FRAS1: variants seen among roughly 807,000 people sequenced by gnomAD.
FRAS1 encodes the protein Fraser extracellular matrix complex subunit 1.
A neutral mutation model predicts 435.2 loss-of-function variants in FRAS1; 290 were observed. The ratio of observed to expected loss-of-function variants is 0.67; its 90% confidence interval spans 0.61 to 0.73. The LOEUF (loss-of-function observed/expected upper bound fraction) is 0.73, where lower values mean the gene tolerates loss of function less well. FRAS1 is among the 30% of genes least tolerant of loss of function. The pLI is 0.00. For synonymous variants in FRAS1, 1,800 were observed against 1,851.0 expected (o/e 0.97, Z 0.71); for missense variants, 4,860 against 5,001.5 (o/e 0.97, Z 0.85).
At chr4:78,067,664 TTC>T (rs1740104002) in intron 2 of FRAS1, among the ~76,000 whole-genome samples, 2 of 135,798 alleles carry the variant, frequency 1.5e-5, no homozygotes, top group Non-Finnish European at 1.5e-5. Flanking sequence ...TTCTTTTTTT[TTC>T]TTTCTTTTAT....
At chr4:78,464,759 GTATTTGAGATCAAATTGTTTT>G (rs1719476893) in intron 49 of FRAS1, among the ~76,000 whole-genome samples, 176 bp downstream of exon 49, 1 of 152,156 alleles carries the variant, frequency 6.6e-6, no homozygotes, top group South Asian at 2.1e-4. Flanking sequence ...AAAAACAAAT[GTATTTGAGATCAAATTGTTTT>G]TAAACCCTTT....
chr4:78,078,233 C>T (rs915001893), intron 2 of FRAS1, among the ~76,000 whole-genome samples: 4 of 152,258 alleles, frequency 2.6e-5, no homozygotes, highest in African/African-American at 4.8e-5. Flanking sequence ...TTGTAAGCAA[C>T]ACTGTGATGA....
intron 2 of FRAS1, among the ~76,000 whole-genome samples, chr4:78,088,155 C>T (rs150303591): frequency 0.8 from 121,815 of 151,342 alleles, 49,124 homozygotes; most frequent in East Asian, 0.95. Context: ...TTTGACAAAC[C>T]TGAGAAAAAC....
At chr4:78,517,812 A>G (rs1721256219) in intron 66 of FRAS1, among the ~76,000 whole-genome samples, 1 of 152,224 alleles carries the variant, frequency 6.6e-6, no homozygotes, top group African/African-American at 2.4e-5. Context: ...AAAACAAATG[A>G]GGAAAAATTA....
intron 2 of FRAS1, among the ~76,000 whole-genome samples, chr4:78,156,827 T>C (rs575842449): frequency 2.6e-5 from 4 of 152,314 alleles, no homozygotes; most frequent in Admixed American, 6.5e-5. Flanking sequence ...GACTCTCTCC[T>C]ACTACGTCAG....
intron 2 of FRAS1, among the ~76,000 whole-genome samples, chr4:78,193,060 A>G (rs776422981): frequency 9.9e-5 from 15 of 152,038 alleles, no homozygotes; most frequent in Non-Finnish European, 1.6e-4. Context: ...CAGGTTATTT[A>G]TTTTCCATGT....
rs757888145 is a variant in FRAS1 at position 78,473,422 on chromosome 4, G to T, written c.7523-16G>T. 1.2e-6 allele frequency: 2 copies of T among 1,608,118 alleles called. No individual in the cohort carries two copies. Among genetic ancestry groups the T allele is most frequent in the African/African-American group, 2.7e-5 (2 of 74,914 alleles). On this transcript the variant is annotated splice_polypyrimidine_tract_variant and intron_variant, in intron 52 of 73. Transcript: ENST00000512123. ...ACATCCCTGGGTTAATTCACAGTGAGTCTTTTTTCTCACAGAGGATGTGAA... is the reference window on the plus strand; with the variant it reads ...ACATCCCTGGGTTAATTCACAGTGATTCTTTTTTCTCACAGAGGATGTGAA...
intron 10 of FRAS1, 66 bp from the exon 11 acceptor site, chr4:78,281,332 A>G (rs35419939): frequency 0.34 from 371,145 of 1,107,008 alleles, 63,845 homozygotes; most frequent in Admixed American, 0.39. Context: ...TCCTAATGAA[A>G]AAATAAAATA....
intron 2 of FRAS1, among the ~76,000 whole-genome samples, chr4:78,161,201 A>T (rs1305883903): frequency 1.3e-5 from 2 of 152,192 alleles, no homozygotes; most frequent in Non-Finnish European, 2.9e-5. Flanking sequence ...GGATTATTTT[A>T]ATTAAAAGAA....
At chr4:78,289,049 C>T (rs1727755793) in intron 14 of FRAS1, among the ~76,000 whole-genome samples, 1 of 152,144 alleles carries the variant, frequency 6.6e-6, no homozygotes. Context: ...AAACTGAGTG[C>T]TGTGCTGAGG....
chr4:78,407,096 A>G (rs1222950804), intron 30 of FRAS1, among the ~76,000 whole-genome samples: 1 of 152,256 alleles, frequency 6.6e-6, no homozygotes, highest in Non-Finnish European at 1.5e-5. Flanking sequence ...TGAATCCAAG[A>G]TATCTCATTA....
intron 18 of FRAS1, among the ~76,000 whole-genome samples, chr4:78,330,655 C>A (rs933174879): frequency 9.2e-5 from 14 of 152,106 alleles, no homozygotes; most frequent in African/African-American, 3.1e-4. Context: ...TGAAATAGAC[C>A]CCAGTCTCCC....
At chr4:78,337,940 A>G (rs1730241921) in intron 20 of FRAS1, 123 bp downstream of exon 20, 4 of 910,010 alleles carry the variant, frequency 4.4e-6, no homozygotes, top group Middle Eastern at 3.2e-4. Context: ...CATTTGTTTC[A>G]TGTCTGGAAA....
intron 2 of FRAS1, among the ~76,000 whole-genome samples, chr4:78,076,994 C>T (rs1451585656): frequency 6.6e-6 from 1 of 152,294 alleles, no homozygotes; most frequent in African/African-American, 2.4e-5. Context: ...TTCCTGTAAG[C>T]TGTTTTTATG....
chr4:78,435,625 G>A (rs1379624791), intron 38 of FRAS1, among the ~76,000 whole-genome samples: 1 of 151,902 alleles, frequency 6.6e-6, no homozygotes, highest in Non-Finnish European at 1.5e-5. Flanking sequence ...TATAATCCCA[G>A]TACTCAGGAG....
intron 60 of FRAS1, among the ~76,000 whole-genome samples, chr4:78,499,479 A>T (rs1287256732): frequency 6.6e-6 from 1 of 152,194 alleles, no homozygotes; most frequent in East Asian, 1.9e-4. Context: ...TCCACCCATT[A>T]TATTGTTTTT....
intron 66 of FRAS1, among the ~76,000 whole-genome samples, chr4:78,518,828 GA>G (rs1286736275): frequency 2.0e-5 from 3 of 152,102 alleles, no homozygotes; most frequent in Non-Finnish European, 4.4e-5. Context: ...CAGGAGATGA[GA>G]GCACTCACTA....
intron 2 of FRAS1, among the ~76,000 whole-genome samples, chr4:78,156,972 C>G (rs1720915624): frequency 6.6e-6 from 1 of 152,202 alleles, no homozygotes; most frequent in African/African-American, 2.4e-5. Flanking sequence ...GAGTCTCAGT[C>G]TCCCCTTCTA....
chr4:78,523,790 A>C (rs1484746761), intron 69 of FRAS1, among the ~76,000 whole-genome samples: 2 of 152,170 alleles, frequency 1.3e-5, no homozygotes, highest in African/African-American at 2.4e-5. Flanking sequence ...TCTTCCTTTA[A>C]GTATTCTGCT....
Sources: allele counts gnomAD v4.1 joint callset (sites outside exome capture counted in the v4.1 genomes callset), GRCh38; gene constraint gnomAD v4.1.1; transcripts MANE v1.5; gene names NCBI Gene and HGNC (gene_info 2026-07-23, HGNC 2026-07-21).